KCNMA1: variants seen among roughly 807,000 people sequenced by gnomAD.
KCNMA1 encodes the protein potassium calcium-activated channel subfamily M alpha 1.
Under a neutral mutation model 140.0 loss-of-function variants are expected in KCNMA1, and 29 were observed. The observed-to-expected ratio is 0.21, with a 90% confidence interval of 0.15 to 0.28. The LOEUF is 0.28. Ranked by LOEUF, KCNMA1 falls within the 10% of genes least tolerant of loss-of-function variation. KCNMA1 has a pLI of 1.00. For synonymous variants in KCNMA1, 612 were observed against 611.9 expected (o/e 1.00, Z 0.00); for missense variants, 880 against 1,602.2 (o/e 0.55, Z 7.70).
At chr10:77,132,489 T>G (rs924233052) in intron 5 of KCNMA1, among the ~76,000 whole-genome samples, 2 of 151,966 alleles carry the variant, frequency 1.3e-5, no homozygotes, top group Non-Finnish European at 2.9e-5. Context: ...TATCCTCAGA[T>G]TGGAAAGGTC....
chr10:77,274,188 T>C (rs1300212415), intron 2 of KCNMA1, among the ~76,000 whole-genome samples: 1 of 152,176 alleles, frequency 6.6e-6, no homozygotes, highest in African/African-American at 2.4e-5. Context: ...ACTATCCTGA[T>C]TATAGCCTCC....
At chr10:77,531,169 T>C (rs2057511946) in intron 1 of KCNMA1, among the ~76,000 whole-genome samples, 1 of 152,208 alleles carries the variant, frequency 6.6e-6, no homozygotes, top group African/African-American at 2.4e-5. Flanking sequence ...TGCCTGATTC[T>C]AAGTCCCAAG....
intron 25 of KCNMA1, chr10:76,901,412 T>A (rs1383462013): frequency 2.0e-5 from 3 of 152,180 alleles, no homozygotes; most frequent in East Asian, 1.9e-4. Flanking sequence ...CAATTTTTTT[T>A]AAACAAAGGG....
chr10:77,307,978 T>C (rs747173116), intron 2 of KCNMA1, among the ~76,000 whole-genome samples: 1 of 152,222 alleles, frequency 6.6e-6, no homozygotes, highest in Non-Finnish European at 1.5e-5. Flanking sequence ...TAGGCTGCCA[T>C]TGTTGTCTAA....
intron 2 of KCNMA1, among the ~76,000 whole-genome samples, chr10:77,274,048 C>T (rs2065935343): frequency 6.6e-6 from 1 of 152,178 alleles, no homozygotes; most frequent in Non-Finnish European, 1.5e-5. Context: ...TAGCATTCCT[C>T]TTAGCTTTGT....
intron 1 of KCNMA1, among the ~76,000 whole-genome samples, chr10:77,556,201 C>T (rs1055346640): frequency 2.0e-5 from 3 of 151,982 alleles, no homozygotes; most frequent in African/African-American, 4.8e-5. Flanking sequence ...AAAGTAATTG[C>T]GAGGAATTAA....
chr10:77,143,988 G>A (rs915031515), intron 5 of KCNMA1, among the ~76,000 whole-genome samples: 1 of 152,116 alleles, frequency 6.6e-6, no homozygotes, highest in African/African-American at 2.4e-5. Flanking sequence ...GTGTAAAATG[G>A]TGTATCTTCC....
At chr10:77,312,160 G>A (rs1490726301) in intron 2 of KCNMA1, among the ~76,000 whole-genome samples, 1 of 152,228 alleles carries the variant, frequency 6.6e-6, no homozygotes, top group Non-Finnish European at 1.5e-5. Flanking sequence ...CAGGGAGTGG[G>A]ACAGAAGCTT....
At chr10:77,090,558 C>T (rs1485656013) in intron 9 of KCNMA1, 48 bp from the exon 10 acceptor site, 1 of 1,233,124 alleles carries the variant, frequency 8.1e-7, no homozygotes, top group Non-Finnish European at 1.2e-6. Flanking sequence ...ACGACAGGAC[C>T]CTGCATCCCA....
At chr10:76,994,142 AGGCTATGAGACCCTTGGCCAGACTCACT>A (rs1240323370) in intron 19 of KCNMA1, among the ~76,000 whole-genome samples, 19 of 152,244 alleles carry the variant, frequency 1.2e-4, no homozygotes, top group African/African-American at 4.3e-4. Flanking sequence ...CTGTGACATG[AGGCTATGAGACCCTTGGCCAGACTCACT>A]GGCTATGAGA....
chr10:77,008,208 T>A (rs1285346079), intron 18 of KCNMA1: 2 of 1,533,650 alleles, frequency 1.3e-6, no homozygotes, highest in Non-Finnish European at 1.7e-6. Flanking sequence ...CAGTGTGCAG[T>A]TAAAATAGAG....
At chr10:77,268,926 A>G (rs954112856) in intron 2 of KCNMA1, among the ~76,000 whole-genome samples, 3 of 152,156 alleles carry the variant, frequency 2.0e-5, no homozygotes, top group African/African-American at 4.8e-5. Context: ...CGCTGCACCA[A>G]TGCAAAGAAA....
chr10:77,025,648 T>G (rs949843319), intron 16 of KCNMA1, among the ~76,000 whole-genome samples: 5 of 151,586 alleles, frequency 3.3e-5, no homozygotes, highest in African/African-American at 1.2e-4. Context: ...TAAACACAGG[T>G]TAAAGAAGGT....
intron 1 of KCNMA1, among the ~76,000 whole-genome samples, chr10:77,495,453 A>G (rs567599104): frequency 6.6e-6 from 1 of 152,352 alleles, no homozygotes; most frequent in Middle Eastern, 3.4e-3. Context: ...GTGGCAGTCA[A>G]CCACCCAGAG....
intron 3 of KCNMA1, among the ~76,000 whole-genome samples, chr10:77,237,580 C>G (rs1416734199): frequency 6.6e-6 from 1 of 152,156 alleles, no homozygotes; most frequent in Non-Finnish European, 1.5e-5. Context: ...ACCTCAGGCT[C>G]TTGAGTAGCT....
intron 1 of KCNMA1, among the ~76,000 whole-genome samples, chr10:77,494,618 C>A (rs1209174270): frequency 6.6e-6 from 1 of 152,190 alleles, no homozygotes; most frequent in East Asian, 1.9e-4. Flanking sequence ...TCAGGGAGGT[C>A]ATACGTGTGA....
chr10:77,247,024 T>C (rs1252271154), intron 3 of KCNMA1, among the ~76,000 whole-genome samples: 1 of 152,210 alleles, frequency 6.6e-6, no homozygotes, highest in Non-Finnish European at 1.5e-5. Flanking sequence ...GTATAACCTT[T>C]CAGCTTTACT....
chr10:76,917,568 A>T (rs1296350970), intron 23 of KCNMA1, among the ~76,000 whole-genome samples: 1 of 151,958 alleles, frequency 6.6e-6, no homozygotes, highest in African/African-American at 2.4e-5. Flanking sequence ...CCCTTCAGTC[A>T]CCAGGCCTGG....
chr10:77,100,774 C>T (rs186654790), intron 9 of KCNMA1, among the ~76,000 whole-genome samples: 28 of 152,292 alleles, frequency 1.8e-4, no homozygotes, highest in Middle Eastern at 3.4e-3. Context: ...TCTGAATCTA[C>T]CCGGCAAGGA....
Sources: allele counts gnomAD v4.1 joint callset (sites outside exome capture counted in the v4.1 genomes callset), GRCh38; gene constraint gnomAD v4.1.1; transcripts MANE v1.5; gene names NCBI Gene and HGNC (gene_info 2026-07-23, HGNC 2026-07-21).